Variants in CDH13 observed in about 807,000 individuals in gnomAD.
The protein encoded by CDH13 is cadherin-13.
CDH13 carries 24 observed loss-of-function variants against 63.8 expected under a neutral mutation model. The observed-to-expected ratio is 0.38, with a 90% CI of 0.27 to 0.53. CDH13 has a LOEUF of 0.53. Ranked by LOEUF, CDH13 falls within the 20% of genes least tolerant of loss-of-function variation. The pLI is 0.85. For missense variants in CDH13, 1,049 were observed against 903.1 expected, an observed-to-expected ratio of 1.16 and a Z score of -2.07; for synonymous variants, 503 against 355.3, an observed-to-expected ratio of 1.42 and a Z score of -4.67.
chr16:83,445,851 A>G (rs2072671589), intron 6 of CDH13, among the ~76,000 whole-genome samples: 1 of 152,150 alleles, frequency 6.6e-6, no homozygotes, highest in Admixed American at 6.5e-5. Flanking sequence ...ACTTGGGGAG[A>G]TACTGAAGTA....
At chr16:83,357,351 G>A (rs1191410486) in intron 6 of CDH13, among the ~76,000 whole-genome samples, 1 of 152,124 alleles carries the variant, frequency 6.6e-6, no homozygotes, top group African/African-American at 2.4e-5. Flanking sequence ...GTATGTGTCT[G>A]TACATTCACA....
chr16:83,178,272 C>G (rs1044118456), intron 4 of CDH13, among the ~76,000 whole-genome samples: 4 of 152,104 alleles, frequency 2.6e-5, no homozygotes, highest in African/African-American at 9.7e-5. Context: ...TACCCATTAG[C>G]TACCAGCAGC....
chr16:83,701,476 C>A (rs1174522275), intron 10 of CDH13, among the ~76,000 whole-genome samples: 1 of 152,218 alleles, frequency 6.6e-6, no homozygotes, highest in Non-Finnish European at 1.5e-5. Flanking sequence ...CCATGCACAG[C>A]TGTCCTCTTG....
intron 2 of CDH13, among the ~76,000 whole-genome samples, chr16:82,864,096 T>A (rs964874712): frequency 6.6e-6 from 1 of 152,354 alleles, no homozygotes; most frequent in South Asian, 2.1e-4. Context: ...GCACCAAATA[T>A]TCTTATTTAC....
At chr16:82,649,283 A>T (rs3910223) in intron 1 of CDH13, among the ~76,000 whole-genome samples, 3 of 151,926 alleles carry the variant, frequency 2.0e-5, no homozygotes, top group African/African-American at 7.3e-5. Context: ...ATAGAAGGAT[A>T]GATGATGGAT....
intron 7 of CDH13, among the ~76,000 whole-genome samples, chr16:83,600,207 A>T (rs1907654060): frequency 6.6e-6 from 1 of 152,198 alleles, no homozygotes; most frequent in South Asian, 2.1e-4. Context: ...CCAGAACTGG[A>T]ACTGGGTACG....
intron 2 of CDH13, among the ~76,000 whole-genome samples, chr16:83,012,030 C>A (rs1344856437): frequency 6.6e-6 from 1 of 152,086 alleles, no homozygotes; most frequent in African/African-American, 2.4e-5. Flanking sequence ...CGCCCTTTCC[C>A]CAGCCCAGGA....
chr16:83,313,454 C>A (rs2090041281), intron 5 of CDH13, among the ~76,000 whole-genome samples: 1 of 152,088 alleles, frequency 6.6e-6, no homozygotes, highest in South Asian at 2.1e-4. Flanking sequence ...CTAACAACTG[C>A]CTTTTCAGTA....
chr16:83,205,884 T>A (rs111522249), intron 4 of CDH13, among the ~76,000 whole-genome samples: 2,819 of 152,228 alleles, frequency 0.019, 80 homozygotes, highest in African/African-American at 0.064. Flanking sequence ...ATTATAGGTG[T>A]GAGCCACGGT....
chr16:83,473,752 G>C (rs984934941), intron 6 of CDH13, among the ~76,000 whole-genome samples: 2 of 152,104 alleles, frequency 1.3e-5, no homozygotes, highest in Non-Finnish European at 2.9e-5. Flanking sequence ...AGCTGAGTAG[G>C]GAAGTTGGGA....
At chr16:83,764,464 A>G (rs1914225139) in intron 11 of CDH13, among the ~76,000 whole-genome samples, 1 of 152,230 alleles carries the variant, frequency 6.6e-6, no homozygotes, top group Non-Finnish European at 1.5e-5. Context: ...ACATTAAAAT[A>G]CTGTCAGTGA....
chr16:83,500,249 C>T (rs1044419046), intron 7 of CDH13, among the ~76,000 whole-genome samples: 1 of 2,174 alleles, frequency 4.6e-4, no homozygotes, highest in Non-Finnish European at 2.7e-3. Flanking sequence ...TCTTCTTCTT[C>T]TTCTTCTTCT....
chr16:83,674,084 A>G (rs188596898), intron 9 of CDH13, among the ~76,000 whole-genome samples: 66 of 152,324 alleles, frequency 4.3e-4, no homozygotes, highest in Non-Finnish European at 2.6e-4. Context: ...CAGCTAGGCC[A>G]TGCTCTCTGC....
At chr16:82,956,728 A>G (rs552150618) in intron 2 of CDH13, among the ~76,000 whole-genome samples, 2 of 152,328 alleles carry the variant, frequency 1.3e-5, no homozygotes, top group South Asian at 2.1e-4. Flanking sequence ...TATCCCTAGA[A>G]TGTGCCAGGT....
intron 4 of CDH13, chr16:83,171,718 C>T (rs2037925886): frequency 3.0e-6 from 2 of 669,866 alleles, no homozygotes; most frequent in South Asian, 1.8e-5. Flanking sequence ...CCCAGAACCT[C>T]TTCGTCTTTC....
At chr16:83,181,168 G>A (rs2038338827) in intron 4 of CDH13, 1 of 642,416 alleles carries the variant, frequency 1.6e-6, no homozygotes, top group Non-Finnish European at 2.5e-6. Context: ...ATCTACTGAA[G>A]GCTTTGCAGC....
At chr16:83,122,606 T>G (rs1490710912) in intron 3 of CDH13, among the ~76,000 whole-genome samples, 1 of 152,212 alleles carries the variant, frequency 6.6e-6, no homozygotes, top group Non-Finnish European at 1.5e-5. Context: ...TGGGACTTTG[T>G]GATTGTCCCT....
At chr16:82,672,994 G>GTTTTTTTTTT (rs1194023626) in intron 1 of CDH13, among the ~76,000 whole-genome samples, 19 of 26,518 alleles carry the variant, frequency 7.2e-4, no homozygotes, top group Non-Finnish European at 1.2e-3. Context: ...TTTTTATAAA[G>GTTTTTTTTTT]TTTTCTTTTT....
chr16:83,522,433 G>A (rs934888043), intron 7 of CDH13, among the ~76,000 whole-genome samples: 9 of 152,212 alleles, frequency 5.9e-5, no homozygotes, highest in Admixed American at 3.3e-4. Flanking sequence ...ATATGCAACC[G>A]TGGAGTTTCT....
Sources: gnomAD v4.1 joint callset for allele counts (sites outside exome capture counted in the v4.1 genomes callset) on GRCh38, gnomAD v4.1.1 for gene constraint, MANE v1.5 for transcripts, NCBI Gene and HGNC (gene_info 2026-07-23, HGNC 2026-07-21) for gene names.